The following PID1 variants were observed in gnomAD, a reference collection of about 807,000 sequenced individuals.
The protein encoded by PID1 is PTB-containing, cubilin and LRP1-interacting protein.
A neutral mutation model predicts 19.1 loss-of-function variants in PID1; 10 were observed. The ratio of observed to expected loss-of-function variants is 0.52; its 90% CI spans 0.32 to 0.89. The LOEUF (loss-of-function observed/expected upper bound fraction) is 0.89. PID1 is among the 40% of genes least tolerant of loss of function. The pLI is 0.03. For missense variants in PID1, 248 were observed against 285.3 expected (o/e 0.87, Z 0.94); for synonymous variants, 130 against 116.0 (o/e 1.12, Z -0.78).
intron 1 of PID1, among the ~76,000 whole-genome samples, chr2:229,208,488 T>C (rs1432651377): frequency 2.6e-5 from 4 of 152,178 alleles, no homozygotes; most frequent in Non-Finnish European, 5.9e-5. Flanking sequence ...TCAAACAGAA[T>C]AGGGATTATG....
At chr2:229,111,928 C>T (rs748049273) in intron 2 of PID1, among the ~76,000 whole-genome samples, 65 of 152,002 alleles carry the variant, frequency 4.3e-4, no homozygotes, top group Admixed American at 5.9e-4. Context: ...GGGTTTAGCA[C>T]GAAAAGAGAA....
At chr2:229,042,378 G>T (rs1463572899) in intron 2 of PID1, among the ~76,000 whole-genome samples, 1 of 152,168 alleles carries the variant, frequency 6.6e-6, no homozygotes, top group Non-Finnish European at 1.5e-5. Flanking sequence ...TAATTTAAGT[G>T]AAAAAGATGA....
At chr2:229,139,072 AAAG>A in intron 2 of PID1, among the ~76,000 whole-genome samples, 1 of 64,252 alleles carries the variant, frequency 1.6e-5, no homozygotes, top group Non-Finnish European at 3.0e-5. Context: ...AGAAAGAAAG[AAAG>A]AAAGAAAGAA....
intron 1 of PID1, among the ~76,000 whole-genome samples, chr2:229,257,174 T>G (rs552320374): frequency 6.6e-6 from 1 of 152,318 alleles, no homozygotes; most frequent in South Asian, 2.1e-4. Context: ...AGTCAGATAA[T>G]CCACCAAAGC....
intron 2 of PID1, among the ~76,000 whole-genome samples, chr2:229,100,007 A>G (rs2106227073): frequency 6.6e-6 from 1 of 152,220 alleles, no homozygotes; most frequent in South Asian, 2.1e-4. Flanking sequence ...ATGATGGGGG[A>G]CAAGTGCCCT....
At chr2:229,144,447 T>TA (rs1690084460) in intron 2 of PID1, among the ~76,000 whole-genome samples, 1 of 152,128 alleles carries the variant, frequency 6.6e-6, no homozygotes, top group African/African-American at 2.4e-5. Flanking sequence ...AAAGCATTTG[T>TA]GGAAAATTAA....
intron 1 of PID1, among the ~76,000 whole-genome samples, chr2:229,198,051 A>G (rs1466586381): frequency 1.3e-5 from 2 of 152,090 alleles, no homozygotes; most frequent in African/African-American, 4.8e-5. Context: ...AAAACCGCTG[A>G]TAGCTTTCAG....
At chr2:229,263,028 C>A in intron 1 of PID1, 2 of 797,730 alleles carry the variant, frequency 2.5e-6, no homozygotes, top group Non-Finnish European at 3.5e-6. Flanking sequence ...AAGACTTCAA[C>A]ACATCTTTTA....
At chr2:229,101,633 C>A (rs1460189621) in intron 2 of PID1, among the ~76,000 whole-genome samples, 1 of 152,186 alleles carries the variant, frequency 6.6e-6, no homozygotes, top group Non-Finnish European at 1.5e-5. Flanking sequence ...TTTTACAAGG[C>A]AAGAAATGGA....
At chr2:229,254,769 T>C (rs1269262242) in intron 1 of PID1, among the ~76,000 whole-genome samples, 1 of 152,244 alleles carries the variant, frequency 6.6e-6, no homozygotes, top group Non-Finnish European at 1.5e-5. Flanking sequence ...TGTGAATTGT[T>C]TTCCCTTACT....
At chr2:229,204,800 C>A (rs1691573140) in intron 1 of PID1, among the ~76,000 whole-genome samples, 3 of 152,028 alleles carry the variant, frequency 2.0e-5, no homozygotes, top group Non-Finnish European at 4.4e-5. Flanking sequence ...TACGGGTGGT[C>A]TTCAGTGAAT....
chr2:229,058,238 G>A (rs999368292), intron 2 of PID1, among the ~76,000 whole-genome samples: 7 of 152,208 alleles, frequency 4.6e-5, no homozygotes, highest in African/African-American at 1.7e-4. Context: ...AACACAACCA[G>A]CAGTTTTACT....
rs186090162 is a variant in PID1 at position 229,223,887 on chromosome 2, T to G, written c.30+47127A>C. ...TCTAGCGGACACATCGCCCAAATAG[T>G]GGACATAGTACCCAATCGGTACTTT... On this transcript the variant is annotated intron_variant, in intron 1 of 2. Coordinates refer to ENST00000392055, the MANE Select transcript of PID1 (RefSeq NM_001100818.2). Among the ~76,000 whole-genome samples, 32 of 152,296 alleles carry G rather than the reference T, an allele frequency of 2.1e-4. No individual in the cohort carries two copies. The East Asian group carries it at 6.2e-3, about 29-fold the overall frequency.
At chr2:229,168,807 C>G (rs961801733) in intron 1 of PID1, among the ~76,000 whole-genome samples, 4 of 152,118 alleles carry the variant, frequency 2.6e-5, no homozygotes, top group Non-Finnish European at 4.4e-5. Flanking sequence ...AGCATTTTTA[C>G]ATTGCATTCT....
chr2:229,139,419 C>T (rs1411822266), intron 2 of PID1, among the ~76,000 whole-genome samples: 2 of 152,066 alleles, frequency 1.3e-5, no homozygotes, highest in Admixed American at 1.3e-4. Context: ...ATACATTTTG[C>T]CCCACCCACA....
At chr2:229,131,124 A>T (rs545402909) in intron 2 of PID1, among the ~76,000 whole-genome samples, 1 of 152,336 alleles carries the variant, frequency 6.6e-6, no homozygotes, top group South Asian at 2.1e-4. Flanking sequence ...ACTGAGGGTT[A>T]AGACTTCAAT....
intron 1 of PID1, among the ~76,000 whole-genome samples, chr2:229,236,821 A>C (rs1689704494): frequency 6.6e-6 from 1 of 152,018 alleles, no homozygotes. Flanking sequence ...GGCAAACTAT[A>C]CCCAGTTCCA....
intron 2 of PID1, among the ~76,000 whole-genome samples, chr2:229,068,682 C>G (rs1194707046): frequency 6.6e-6 from 1 of 152,136 alleles, no homozygotes; most frequent in Non-Finnish European, 1.5e-5. Flanking sequence ...CACATGTTGT[C>G]AGCATGGAGC....
rs67450816 is a variant in PID1 at position 229,058,967 on chromosome 2, A to G, written c.178-32859T>C. Among the ~76,000 whole-genome samples, 1,455 of 152,338 alleles carry G rather than the reference A, an allele frequency of 9.6e-3. 12 individuals carry two copies. Among genetic ancestry groups the G allele is most frequent in the Non-Finnish European group, 0.014 (935 of 68,028 alleles). ...AAATGTGAAATTACCTGTTAGGGGA[A>G]GAACACTAATGTGTTTCTTCAGTGT... is the stretch of plus-strand genomic sequence containing the variant. On this transcript the variant is annotated intron_variant, in intron 2 of 2. Coordinates refer to ENST00000392055, the MANE Select transcript of PID1 (RefSeq NM_001100818.2).
Sources: gnomAD v4.1 joint callset for allele counts (sites outside exome capture counted in the v4.1 genomes callset) on GRCh38, gnomAD v4.1.1 for gene constraint, MANE v1.5 for transcripts, NCBI Gene and HGNC (gene_info 2026-07-23, HGNC 2026-07-21) for gene names.